Variants in TMEM236 observed in about 807,000 individuals in gnomAD.
TMEM236 encodes the protein transmembrane protein 236, also known as family with sequence similarity 23, member A.
A neutral mutation model predicts 14.7 loss-of-function variants in TMEM236; 11 were observed. The observed-to-expected ratio is 0.75, with a 90% CI of 0.47 to 1.24. The LOEUF is 1.24. Ranked by LOEUF, TMEM236 falls within the 50% of genes most tolerant of loss-of-function variation. The pLI is 0.00. For synonymous variants in TMEM236, 182 were observed against 168.6 expected (o/e 1.08, Z -0.62); for missense variants, 464 against 427.3 (o/e 1.09, Z -0.76).
At chr10:17,775,207 A>G (rs1445617331) in intron 2 of TMEM236, among the ~76,000 whole-genome samples, 2 of 152,146 alleles carry the variant, frequency 1.3e-5, no homozygotes, top group Non-Finnish European at 2.9e-5. Context: ...CTGATTTCAG[A>G]GGGAAAACTT....
At chr10:17,785,335 A>G (rs1287088841) in intron 3 of TMEM236, among the ~76,000 whole-genome samples, 2 of 152,120 alleles carry the variant, frequency 1.3e-5, no homozygotes, top group Non-Finnish European at 2.9e-5. Flanking sequence ...TAATTTTTTA[A>G]AGCTCCGCCA....
intron 3 of TMEM236, among the ~76,000 whole-genome samples, chr10:17,777,637 T>C (rs2131754327): frequency 6.6e-6 from 1 of 152,248 alleles, no homozygotes; most frequent in Admixed American, 6.5e-5. Context: ...TCCATATTAA[T>C]ATAAATTTCC....
At chr10:17,767,397 G>A (rs1477434709) in intron 1 of TMEM236, among the ~76,000 whole-genome samples, 12 of 152,164 alleles carry the variant, frequency 7.9e-5, no homozygotes, top group Admixed American at 3.9e-4. Context: ...GGAGGCAGAG[G>A]TTGCAGTGAG....
intron 3 of TMEM236, among the ~76,000 whole-genome samples, chr10:17,785,634 A>G (rs1330518061): frequency 1.3e-5 from 2 of 152,082 alleles, no homozygotes; most frequent in African/African-American, 4.8e-5. Context: ...CTTTTTAAGA[A>G]ATAGCTTATT....
chr10:17,758,098 A>T (rs1355049958), intron 1 of TMEM236, among the ~76,000 whole-genome samples: 10 of 152,194 alleles, frequency 6.6e-5, no homozygotes, highest in African/African-American at 2.4e-4. Context: ...AATGTCATTA[A>T]CATAATTTCA....
intron 3 of TMEM236, among the ~76,000 whole-genome samples, chr10:17,784,931 G>C (rs1271158718): frequency 6.6e-6 from 1 of 152,126 alleles, no homozygotes; most frequent in Non-Finnish European, 1.5e-5. Context: ...TTGGAACCAG[G>C]AATTTGTTCT....
chr10:17,764,541 G>A (rs1837429813), intron 1 of TMEM236, among the ~76,000 whole-genome samples: 1 of 152,160 alleles, frequency 6.6e-6, no homozygotes. Context: ...CTATAACAAA[G>A]TATCACAAAC....
chr10:17,754,428 G>A (rs1421806914), intron 1 of TMEM236, among the ~76,000 whole-genome samples: 1 of 152,012 alleles, frequency 6.6e-6, no homozygotes, highest in Non-Finnish European at 1.5e-5. Context: ...GGGCTCAGGT[G>A]ATCCTCCTAC....
intron 3 of TMEM236, among the ~76,000 whole-genome samples, chr10:17,779,529 G>C (rs1218873628): frequency 1.3e-5 from 2 of 151,982 alleles, no homozygotes; most frequent in African/African-American, 4.8e-5. Context: ...TCCTGCCTCA[G>C]CCTCCCAAGT....
chr10:17,772,915 A>T (rs1837597427), intron 2 of TMEM236, among the ~76,000 whole-genome samples: 1 of 151,754 alleles, frequency 6.6e-6, no homozygotes, highest in Non-Finnish European at 1.5e-5. Flanking sequence ...TGTTTTTGAA[A>T]TTTTTCCAAG....
At chr10:17,760,550 C>T (rs1223893503) in intron 1 of TMEM236, among the ~76,000 whole-genome samples, 1 of 152,112 alleles carries the variant, frequency 6.6e-6, no homozygotes, top group Non-Finnish European at 1.5e-5. Flanking sequence ...TCCACATTTC[C>T]TTTACAGTTT....
chr10:17,765,667 A>G (rs1837450858), intron 1 of TMEM236, among the ~76,000 whole-genome samples: 1 of 152,190 alleles, frequency 6.6e-6, no homozygotes, highest in Admixed American at 6.5e-5. Flanking sequence ...CTAGGAAGGA[A>G]AATCCCGTTA....
chr10:17,789,660 C>T (rs895489567), intron 3 of TMEM236, among the ~76,000 whole-genome samples: 5 of 151,208 alleles, frequency 3.3e-5, no homozygotes, highest in Non-Finnish European at 5.9e-5. Flanking sequence ...GCAGAAGGAT[C>T]GCTTGAGGCC....
Position 17,796,019 on chromosome 10 carries a change from G to T in TMEM236, c.571G>T (p.Ala191Ser). Residue 191 changes from alanine (A) to serine (S), a missense_variant, in exon 4 of 4, where the codon GCA (alanine) becomes TCA (serine). Coordinates refer to ENST00000377495, the MANE Select transcript of TMEM236 (RefSeq NM_001098844.3). ...QSPENAASPQ[A>S]TNSTQVSQPS... ...TCCAGAAAACGCTGCATCTCCCCAGGCAACCAACAGCACCCAGGTGTCGCA... is the reference window on the plus strand; with the variant it reads ...TCCAGAAAACGCTGCATCTCCCCAGTCAACCAACAGCACCCAGGTGTCGCA... 1 of 1,613,894 alleles carries T rather than the reference G, an allele frequency of 6.2e-7. No individual in the cohort carries two copies. Among genetic ancestry groups the T allele is most frequent in the East Asian group, 2.2e-5 (1 of 44,872 alleles).
chr10:17,780,658 A>G (rs1019563693), intron 3 of TMEM236, among the ~76,000 whole-genome samples: 3 of 152,132 alleles, frequency 2.0e-5, no homozygotes, highest in Non-Finnish European at 4.4e-5. Context: ...GCAAATGGCC[A>G]TGTTTGGGAA....
rs1195605205 is a variant in TMEM236, at chr10:17,782,348, A to T, written c.472+6178A>T. Among the ~76,000 whole-genome samples, 3 of 152,234 alleles carry T rather than the reference A, an allele frequency of 2.0e-5. No homozygotes were observed. The East Asian group carries it at 5.8e-4, about 29-fold the overall frequency. On this transcript the variant is annotated intron_variant, in intron 3 of 3. Coordinates refer to ENST00000377495, the MANE Select transcript of TMEM236 (RefSeq NM_001098844.3). ...CTACAAACTAGAAATTTGTTACTGGATAGCATCTTGATGTACATTCATGTG... is the reference window on the plus strand; with the variant it reads ...CTACAAACTAGAAATTTGTTACTGGTTAGCATCTTGATGTACATTCATGTG...
chr10:17,768,727 A>G (rs576716752), intron 1 of TMEM236, among the ~76,000 whole-genome samples: 25,763 of 144,234 alleles, frequency 0.18, 2,316 homozygotes, highest in African/African-American at 0.23. Flanking sequence ...TATACAACTC[A>G]TGTGTGTGTG....
chr10:17,773,061 A>T (rs1837600175), intron 2 of TMEM236, among the ~76,000 whole-genome samples: 1 of 152,174 alleles, frequency 6.6e-6, no homozygotes, highest in Non-Finnish European at 1.5e-5. Context: ...TAATTTACTT[A>T]TCTGTTCTAC....
intron 3 of TMEM236, among the ~76,000 whole-genome samples, chr10:17,786,194 G>A (rs1837834884): frequency 2.0e-5 from 3 of 152,116 alleles, no homozygotes; most frequent in Admixed American, 6.5e-5. Flanking sequence ...AGGAATAAGG[G>A]AATAAAAGAA....
Sources: gnomAD v4.1 joint callset for allele counts (sites outside exome capture counted in the v4.1 genomes callset) on GRCh38, gnomAD v4.1.1 for gene constraint, MANE v1.5 for transcripts, NCBI Gene and HGNC (gene_info 2026-07-23, HGNC 2026-07-21) for gene names.